The following PDGFRL variants were observed in gnomAD, a reference collection of about 807,000 sequenced individuals.
PDGFRL encodes the protein platelet derived growth factor receptor like.
PDGFRL carries 46 observed loss-of-function variants against 37.2 expected under a neutral mutation model. That is an observed-to-expected ratio of 1.24 (90% CI 0.98 to 1.58). PDGFRL has a LOEUF of 1.58. PDGFRL is among the 40% of genes most tolerant of loss of function. PDGFRL has a pLI of 0.00. For synonymous variants in PDGFRL, 251 were observed against 184.3 expected, an observed-to-expected ratio of 1.36 and a Z score of -2.93; for missense variants, 692 against 467.6, an observed-to-expected ratio of 1.48 and a Z score of -4.43.
intron 2 of PDGFRL, among the ~76,000 whole-genome samples, chr8:17,593,022 C>G (rs1365418648): frequency 1.3e-5 from 2 of 152,100 alleles, no homozygotes; most frequent in African/African-American, 4.8e-5. Context: ...CTACTTATCT[C>G]TCTTATCCTG....
At chr8:17,596,178 A>G in intron 2 of PDGFRL, 1 of 408,378 alleles carries the variant, frequency 2.4e-6, no homozygotes, top group African/African-American at 2.0e-5. Flanking sequence ...GGAGGCAGTT[A>G]GGAGCCCACA....
chr8:17,608,231 C>G (rs1440407120), intron 2 of PDGFRL, among the ~76,000 whole-genome samples: 1 of 152,202 alleles, frequency 6.6e-6, no homozygotes, highest in Non-Finnish European at 1.5e-5. Flanking sequence ...ACTCCTCTCT[C>G]TCCATCCCAC....
intron 1 of PDGFRL, among the ~76,000 whole-genome samples, chr8:17,587,724 T>A (rs754634361): frequency 4.6e-5 from 7 of 151,576 alleles, no homozygotes; most frequent in Non-Finnish European, 8.8e-5. Flanking sequence ...GCCTCCCGGG[T>A]TCAAGCAGTT....
chr8:17,581,894 G>T lies in PDGFRL; in HGVS notation c.55+4587G>T, dbSNP rs545670106. Reference sequence around the variant, plus strand: ...AACTAACACAGAAAATTGGTACCAAGGAGTGGGATATTGCTATAAAGATAC... The same window carrying T: ...AACTAACACAGAAAATTGGTACCAATGAGTGGGATATTGCTATAAAGATAC... On this transcript the variant is annotated intron_variant, in intron 1 of 5. Coordinates refer to ENST00000251630, the MANE Select transcript of PDGFRL (RefSeq NM_001372073.1). 1.4e-4 allele frequency among the ~76,000 whole-genome samples: 22 copies of T among 152,226 alleles called. No homozygotes were observed. In the South Asian group the frequency reaches 3.1e-3, roughly 22 times the overall value.
chr8:17,635,822 G>A (rs902928311), intron 5 of PDGFRL, among the ~76,000 whole-genome samples: 17 of 152,210 alleles, frequency 1.1e-4, no homozygotes, highest in Non-Finnish European at 1.9e-4. Flanking sequence ...CATTCTTGCA[G>A]GAGTAAGGTG....
chr8:17,619,812 C>T (rs1159533345), intron 2 of PDGFRL, among the ~76,000 whole-genome samples: 2 of 152,314 alleles, frequency 1.3e-5, no homozygotes, highest in Admixed American at 6.5e-5. Context: ...TCTGAGGCTG[C>T]ATAGCTATTG....
chr8:17,611,977 G>A (rs967516268), intron 2 of PDGFRL, among the ~76,000 whole-genome samples: 15 of 152,154 alleles, frequency 9.9e-5, no homozygotes, highest in Non-Finnish European at 2.1e-4. Flanking sequence ...CTAAGATCTG[G>A]GAGCCTGGGT....
At chr8:17,583,728 G>C (rs1219140298) in intron 1 of PDGFRL, among the ~76,000 whole-genome samples, 1 of 152,108 alleles carries the variant, frequency 6.6e-6, no homozygotes, top group African/African-American at 2.4e-5. Flanking sequence ...AGAACTAATA[G>C]CGTGAGTTCT....
intron 2 of PDGFRL, among the ~76,000 whole-genome samples, chr8:17,594,640 C>T (rs1056859933): frequency 2.0e-5 from 3 of 152,090 alleles, no homozygotes; most frequent in Non-Finnish European, 1.5e-5. Flanking sequence ...CGGCAACCTC[C>T]GCCTCCCGGG....
At chr8:17,616,749 C>G (rs556577327) in intron 2 of PDGFRL, among the ~76,000 whole-genome samples, 1 of 152,092 alleles carries the variant, frequency 6.6e-6, no homozygotes, top group African/African-American at 2.4e-5. Flanking sequence ...GCAGGGACTT[C>G]TCTAGACATC....
At chr8:17,640,611 CAG>C (rs768659519) in intron 5 of PDGFRL, among the ~76,000 whole-genome samples, 13 of 152,174 alleles carry the variant, frequency 8.5e-5, no homozygotes, top group Admixed American at 2.0e-4. Context: ...GGTGCCTGTA[CAG>C]AGTCCTTTGA....
intron 1 of PDGFRL, among the ~76,000 whole-genome samples, chr8:17,580,711 G>C (rs1169263364): frequency 6.6e-6 from 1 of 152,146 alleles, no homozygotes; most frequent in Non-Finnish European, 1.5e-5. Flanking sequence ...CCACGGAATG[G>C]GAGGCTTTAA....
At position 17,600,429 on chromosome 8, in the gene PDGFRL, G is replaced by A. The variant is rs139505978; in HGVS notation, c.353+10664G>A. ...TCTCTACTTGCTGGCGAATGCCCTC[G>A]ATTTGTCCTATATTACATTAAACGT... On this transcript the variant is annotated intron_variant, in intron 2 of 5. Coordinates refer to ENST00000251630, the MANE Select transcript of PDGFRL (RefSeq NM_001372073.1). Among the ~76,000 whole-genome samples the A allele has an allele frequency of 1.2e-3, 187 of 152,176 alleles. 1 individual carries two copies. Among genetic ancestry groups the A allele is most frequent in the African/African-American group, 4.2e-3 (174 of 41,520 alleles).
Position 17,589,592 on chromosome 8 carries a change from A to G in PDGFRL, c.180A>G (p.Ser60=), listed in dbSNP as rs527463891. 1.2e-6 allele frequency: 2 copies of G among 1,614,054 alleles called. No individual in the cohort carries two copies. Among genetic ancestry groups the G allele is most frequent in the South Asian group, 2.2e-5 (2 of 91,074 alleles). Residue 60 remains serine (S), a synonymous_variant, in exon 2 of 6, where the codon TCA becomes TCG. Transcript: ENST00000251630. ...PKMKDRDSAN[S]APKTQSIMMQ... is the part of the protein sequence containing the mutation. ...TGAAGGACAGGGACTCAGCCAATTC[A>G]GCACCAAAGACGCAGTCTATCATGA...
rs554421371 is a variant in PDGFRL at position 17,586,746 on chromosome 8, T to G, written c.56-2722T>G. On this transcript the variant is annotated intron_variant, in intron 1 of 5. Transcript: ENST00000251630. ...CTCATTTAACTCCCACAGTAATTAT[T>G]ACAGTTATTATGAGGTAGTTATTAC... is the stretch of plus-strand genomic sequence containing the variant. Among the ~76,000 whole-genome samples the G allele has an allele frequency of 2.6e-5, 4 of 152,344 alleles. No homozygotes were observed. The East Asian group carries it at 7.7e-4, about 29-fold the overall frequency.
intron 2 of PDGFRL, among the ~76,000 whole-genome samples, chr8:17,616,992 G>C (rs1006456326): frequency 1.3e-5 from 2 of 152,158 alleles, no homozygotes; most frequent in African/African-American, 4.8e-5. Context: ...TCCCTCCTCT[G>C]TGCCATCTCA....
At chr8:17,593,842 C>A (rs1228403085) in intron 2 of PDGFRL, among the ~76,000 whole-genome samples, 1 of 150,282 alleles carries the variant, frequency 6.7e-6, no homozygotes, top group Non-Finnish European at 1.5e-5. Flanking sequence ...GAGCCGAGAT[C>A]GTGCCTTTGC....
chr8:17,579,541 TATTTTATTATTATTG>T (rs1803661076), intron 1 of PDGFRL, among the ~76,000 whole-genome samples: 1 of 115,390 alleles, frequency 8.7e-6, no homozygotes, highest in Non-Finnish European at 1.8e-5. Flanking sequence ...TCTTTATTAT[TATTTTATTATTATTG>T]TTATTATTAT....
chr8:17,611,847 C>T (rs1318078894), intron 2 of PDGFRL, among the ~76,000 whole-genome samples: 1 of 152,186 alleles, frequency 6.6e-6, no homozygotes, highest in Non-Finnish European at 1.5e-5. Context: ...GATTTGTCAG[C>T]TGACAGAGGA....
Sources: gnomAD v4.1 joint callset for allele counts (sites outside exome capture counted in the v4.1 genomes callset) on GRCh38, gnomAD v4.1.1 for gene constraint, MANE v1.5 for transcripts, NCBI Gene and HGNC (gene_info 2026-07-23, HGNC 2026-07-21) for gene names.